Variants in HNRNPL observed in about 807,000 individuals in gnomAD.
HNRNPL encodes heterogeneous nuclear ribonucleoprotein L.
Under a neutral mutation model 64.0 loss-of-function variants are expected in HNRNPL, and 12 were observed. That is an observed-to-expected ratio of 0.19 (90% CI 0.12 to 0.30). The LOEUF is 0.30. HNRNPL is among the 10% of genes least tolerant of loss of function. The pLI is 1.00. For missense variants in HNRNPL, 484 were observed against 797.4 expected, an observed-to-expected ratio of 0.61 and a Z score of 4.73; for synonymous variants, 385 against 313.0, an observed-to-expected ratio of 1.23 and a Z score of -2.43.
intron 8 of HNRNPL, chr19:38,839,779 G>A: frequency 3.6e-6 from 1 of 274,586 alleles, no homozygotes. Context: ...GTTTTCAGGA[G>A]GAAATCCTTA....
At chr19:38,843,701 T>C (rs564988083) in intron 6 of HNRNPL, 141 bp downstream of exon 6, 7 of 677,688 alleles carry the variant, frequency 1.0e-5, no homozygotes, top group Admixed American at 8.0e-5. Context: ...CACTAGGGTG[T>C]CCAAGTGCTG....
intron 4 of HNRNPL, among the ~76,000 whole-genome samples, chr19:38,844,424 T>C (rs1972218200): frequency 4.6e-5 from 7 of 152,158 alleles, no homozygotes; most frequent in Admixed American, 3.9e-4. Context: ...ATCTGAAACA[T>C]CAACTCGATT....
chr19:38,837,396 T>C lies in HNRNPL; in HGVS notation c.1699A>G (p.Met567Val), dbSNP rs764751159. Residue 567 changes from methionine to valine, a missense_variant, in exon 12 of 13, where the codon ATG becomes GTG. Around this residue, in one of 9 missense-constraint regions of HNRNPL, gnomAD observed 69 missense variants for 91.8 expected, o/e 0.75. Transcript: ENST00000221419. ...ETLGFLNHYQ[M>V]KNPNGPYPYT... ...CACAGATACTCACTTGGGTTTTTCA[T>C]CTGGTAATGGTTCAGGAAGCCCAGA... The C allele has an allele frequency of 6.2e-7, 1 of 1,614,016 alleles. No homozygotes were observed. Among genetic ancestry groups the C allele is most frequent in the Non-Finnish European group, 8.5e-7 (1 of 1,179,850 alleles).
chr19:38,849,472 A>T, intron 1 of HNRNPL: 2 of 491,650 alleles, frequency 4.1e-6, no homozygotes, highest in Non-Finnish European at 3.2e-6. Context: ...CTCACGAGCT[A>T]CTTCCTCTGC....
At chr19:38,847,487 C>A in intron 1 of HNRNPL, 53 bp from the exon 2 acceptor site, 1 of 1,046,692 alleles carries the variant, frequency 9.6e-7, no homozygotes, top group Non-Finnish European at 1.4e-6. Context: ...AAGATGACGC[C>A]CCACTGGCCT....
intron 2 of HNRNPL, among the ~76,000 whole-genome samples, chr19:38,846,407 C>T (rs1972297305): frequency 6.6e-6 from 1 of 152,194 alleles, no homozygotes; most frequent in Non-Finnish European, 1.5e-5. Flanking sequence ...AGAGAAGCAT[C>T]CAGATACAGC....
At chr19:38,850,610 G>A (rs1449767298), upstream of HNRNPL, among the ~76,000 whole-genome samples, 1 of 152,222 alleles carries the variant, frequency 6.6e-6, no homozygotes, top group East Asian at 1.9e-4. Flanking sequence ...GAACGCATGC[G>A]CAAATACGCT....
rs77890038 is a variant in HNRNPL at position 38,843,421 on chromosome 19, G to A, written c.880+421C>T. ...CTGCAAGAGCCCAGGAGACCTCATC[G>A]CCCCCCAACACTGTCACTCCCCCAA... On this transcript the variant is annotated intron_variant, in intron 6 of 12. Coordinates refer to ENST00000221419, the MANE Select transcript of HNRNPL (RefSeq NM_001533.3). The A allele has an allele frequency of 1.2e-4, 23 of 191,892 alleles. No individual in the cohort carries two copies. In the East Asian group the frequency reaches 1.2e-3, roughly 10 times the overall value. The allele number at this position is 191,892 out of a possible 1,614,324, so 11.9% of individuals were successfully genotyped here.
At chr19:38,838,368 G>A (rs768837306) in intron 10 of HNRNPL, 29 bp downstream of exon 10, 26 of 1,586,482 alleles carry the variant, frequency 1.6e-5, no homozygotes, top group Admixed American at 1.0e-4. Flanking sequence ...GCAAGGACCC[G>A]ACTGCCTGCG....
chr19:38,842,359 C>G (rs1043174161), intron 6 of HNRNPL: 5 of 152,156 alleles, frequency 3.3e-5, no homozygotes, highest in Admixed American at 1.3e-4. Flanking sequence ...TGGGACAGCT[C>G]TGTTCTCTGT....
chr19:38,841,604 T>C (rs1194539041), intron 6 of HNRNPL: 3 of 1,233,840 alleles, frequency 2.4e-6, no homozygotes, highest in Admixed American at 2.3e-5. Context: ...AATCTGTATT[T>C]TCTCTTACCA....
intron 9 of HNRNPL, 107 bp from the exon 10 acceptor site, chr19:38,838,705 G>C (rs1400185360): frequency 1.5e-6 from 2 of 1,329,032 alleles, no homozygotes; most frequent in East Asian, 2.3e-5. Context: ...TTGGGGCATT[G>C]CTCTACACCT....
Position 38,843,682 on chromosome 19 carries a change from C to T in HNRNPL, c.880+160G>A, listed in dbSNP as rs576307034. ...TGAAGACCCATGGAGGCCTCTCACTCCCCCATCCCACTAGGGTGTCCAAGT... is the reference window on the plus strand; with the variant it reads ...TGAAGACCCATGGAGGCCTCTCACTTCCCCATCCCACTAGGGTGTCCAAGT... On this transcript the variant is annotated intron_variant, in intron 6 of 12. Transcript: ENST00000221419. 736 of 632,224 alleles carry T rather than the reference C, an allele frequency of 1.2e-3. 5 individuals are homozygous for T. Among genetic ancestry groups the T allele is most frequent in the Middle Eastern group, 2.6e-3 (6 of 2,332 alleles). 39.2% of individuals were successfully genotyped at this position (632,224 alleles called of 1,614,324 possible).
upstream of HNRNPL, chr19:38,851,106 G>A (rs1168108532): frequency 2.6e-5 from 4 of 152,584 alleles, no homozygotes; most frequent in African/African-American, 9.6e-5. Context: ...AGGAGGTCCT[G>A]GCCCCGACCC....
At chr19:38,840,925 A>C (rs1232291880) in intron 6 of HNRNPL, 1 of 268,594 alleles carries the variant, frequency 3.7e-6, no homozygotes, top group African/African-American at 2.3e-5. Flanking sequence ...GCAGCTTTCT[A>C]AAGTGACTCC....
At chr19:38,841,729 T>G in intron 6 of HNRNPL, 1 of 785,630 alleles carries the variant, frequency 1.3e-6, no homozygotes, top group Non-Finnish European at 1.9e-6. Context: ...ACGGTACACA[T>G]CCGCTACAAT....
rs571895957 is a variant in HNRNPL, at chr19:38,846,750, T to C, written c.386+566A>G. Among the ~76,000 whole-genome samples, 356 of 151,982 alleles carry C rather than the reference T, an allele frequency of 2.3e-3. 1 individual carries two copies. The highest frequency in any genetic ancestry group is 4.0e-3 in the Non-Finnish European group (274 of 67,972). On this transcript the variant is annotated intron_variant, in intron 2 of 12. Coordinates refer to ENST00000221419, the MANE Select transcript of HNRNPL (RefSeq NM_001533.3). ...AGCGAAACCCCATCTCTACTAAAAA[T>C]ACAAAAAATTAGCCGGGTGGGGTGG...
chr19:38,840,399 AG>A, intron 7 of HNRNPL, 23 bp from the exon 8 acceptor site: 2 of 1,566,172 alleles, frequency 1.3e-6, no homozygotes, highest in Non-Finnish European at 1.7e-6. Flanking sequence ...AAGGAAAGAG[AG>A]GGAGGACGGG....
At chr19:38,845,218 C>T (rs1475694086) in intron 4 of HNRNPL, 1 of 32,358 alleles carries the variant, frequency 3.1e-5, no homozygotes, top group Non-Finnish European at 9.9e-5. Flanking sequence ...GAAACCAGAT[C>T]TCTACTAAAA....
Sources: allele counts gnomAD v4.1 joint callset (sites outside exome capture counted in the v4.1 genomes callset), GRCh38; gene constraint gnomAD v4.1.1; regional missense constraint gnomAD v4.1.1; transcripts MANE v1.5; gene names NCBI Gene and HGNC (gene_info 2026-07-23, HGNC 2026-07-21).